Variants in CACNA1D observed in about 807,000 individuals in gnomAD.
The protein encoded by CACNA1D is voltage-dependent L-type calcium channel subunit alpha-1D.
Under a neutral mutation model 257.1 loss-of-function variants are expected in CACNA1D, and 55 were observed. That is an observed-to-expected ratio of 0.21 (90% CI 0.17 to 0.27). The LOEUF (loss-of-function observed/expected upper bound fraction) is 0.27. CACNA1D is among the 10% of genes least tolerant of loss of function. The pLI is 1.00. For missense variants in CACNA1D, 1,876 were observed against 2,784.0 expected (o/e 0.67, Z 7.34); for synonymous variants, 980 against 1,014.9 (o/e 0.97, Z 0.65).
intron 3 of CACNA1D, among the ~76,000 whole-genome samples, chr3:53,636,492 G>A (rs2108161776): frequency 6.6e-6 from 1 of 152,202 alleles, no homozygotes; most frequent in South Asian, 2.1e-4. Flanking sequence ...TTTTAGTAGA[G>A]AAGGGGTTTC....
chr3:53,740,436 C>T (rs1043223243), intron 21 of CACNA1D, 97 bp downstream of exon 21: 1 of 841,832 alleles, frequency 1.2e-6, no homozygotes, highest in Non-Finnish European at 2.1e-6. Flanking sequence ...GTTACGCAGA[C>T]TATGTCTTCA....
chr3:53,643,687 C>T (rs1281931459), intron 3 of CACNA1D, among the ~76,000 whole-genome samples: 1 of 152,204 alleles, frequency 6.6e-6, no homozygotes, highest in Non-Finnish European at 1.5e-5. Flanking sequence ...TCATTTCACA[C>T]ATGAGAAACG....
chr3:53,534,817 A>G (rs552205310), intron 3 of CACNA1D, among the ~76,000 whole-genome samples: 1 of 152,338 alleles, frequency 6.6e-6, no homozygotes, highest in African/African-American at 2.4e-5. Flanking sequence ...ACATATTAGT[A>G]AGAGACTTGG....
intron 39 of CACNA1D, 91 bp from the exon 40 acceptor site, chr3:53,786,731 G>GACCCCCCCCCC: frequency 2.9e-6 from 1 of 345,082 alleles, no homozygotes; most frequent in Non-Finnish European, 5.3e-6. Flanking sequence ...GCCCCACTCT[G>GACCCCCCCCCC]CCCCTGCCCC....
intron 3 of CACNA1D, among the ~76,000 whole-genome samples, chr3:53,581,029 AGGGGCTGG>A (rs1024947298): frequency 6.6e-6 from 1 of 152,232 alleles, no homozygotes; most frequent in African/African-American, 2.4e-5. Context: ...GACCTTGTTA[AGGGGCTGG>A]GTATCCTGTC....
chr3:53,768,202 C>A (rs1164659863), intron 30 of CACNA1D, among the ~76,000 whole-genome samples: 1 of 152,228 alleles, frequency 6.6e-6, no homozygotes, highest in Non-Finnish European at 1.5e-5. Flanking sequence ...TTAGGCCAGA[C>A]TGTGGCCAGG....
intron 8 of CACNA1D, among the ~76,000 whole-genome samples, chr3:53,675,442 C>G (rs1221996500): frequency 6.6e-6 from 1 of 152,194 alleles, no homozygotes; most frequent in Non-Finnish European, 1.5e-5. Flanking sequence ...CGCCTCATGT[C>G]TCCTAAACCC....
rs375895457 is a variant in CACNA1D, at chr3:53,810,187, C to T, written c.6081C>T (p.Asp2027=). The part of the protein sequence containing the change: ...PSLHRSSWYT[D]EPDISYRTFT... ...TGCACCGCAGCTCCTGGTACACAGA[C>T]GAGCCCGACATCTCCTACCGGACTT... is the stretch of plus-strand genomic sequence containing the variant. Residue 2027 remains aspartate (D), a synonymous_variant, in exon 47 of 48, where the codon GAC becomes GAT. Transcript: ENST00000350061. 21 of 1,613,860 alleles carry T rather than the reference C, an allele frequency of 1.3e-5. No individual in the cohort carries two copies. Among genetic ancestry groups the T allele is most frequent in the East Asian group, 4.5e-5 (2 of 44,892 alleles).
At chr3:53,746,532 A>G (rs2095170847) in intron 25 of CACNA1D, among the ~76,000 whole-genome samples, 1 of 152,140 alleles carries the variant, frequency 6.6e-6, no homozygotes, top group African/African-American at 2.4e-5. Flanking sequence ...CCCGCGAGAG[A>G]CATAACTGAC....
At chr3:53,596,296 G>T (rs1359927654) in intron 3 of CACNA1D, among the ~76,000 whole-genome samples, 1 of 152,020 alleles carries the variant, frequency 6.6e-6, no homozygotes, top group Non-Finnish European at 1.5e-5. Flanking sequence ...TACTCTGCAT[G>T]TGTGTGCATG....
At chr3:53,541,845 G>T (rs553185111) in intron 3 of CACNA1D, among the ~76,000 whole-genome samples, 1 of 151,974 alleles carries the variant, frequency 6.6e-6, no homozygotes, top group Non-Finnish European at 1.5e-5. Context: ...ACCATAAGTG[G>T]GTATTACTCC....
At chr3:53,589,068 C>T (rs1047357928) in intron 3 of CACNA1D, among the ~76,000 whole-genome samples, 3 of 152,132 alleles carry the variant, frequency 2.0e-5, no homozygotes, top group Admixed American at 6.5e-5. Context: ...TGTAGTTTTC[C>T]CTTATACAGA....
chr3:53,671,466 T>C (rs1018154457), intron 7 of CACNA1D, among the ~76,000 whole-genome samples: 16 of 152,208 alleles, frequency 1.1e-4, no homozygotes, highest in African/African-American at 3.9e-4. Context: ...GCCAGTTCCT[T>C]CTTCATATAT....
chr3:53,639,386 C>A (rs2093922712), intron 3 of CACNA1D, among the ~76,000 whole-genome samples: 1 of 151,722 alleles, frequency 6.6e-6, no homozygotes, highest in South Asian at 2.1e-4. Flanking sequence ...TTCTCTCTCT[C>A]TCTCTTTTTT....
chr3:53,588,235 G>T (rs1252679718), intron 3 of CACNA1D, among the ~76,000 whole-genome samples: 1 of 152,112 alleles, frequency 6.6e-6, no homozygotes, highest in African/African-American at 2.4e-5. Flanking sequence ...GGATTTCAAG[G>T]GACCCGCTCT....
At chr3:53,749,609 C>G in intron 27 of CACNA1D, 140 bp downstream of exon 27, 2 of 691,772 alleles carry the variant, frequency 2.9e-6, no homozygotes, top group East Asian at 2.7e-5. Flanking sequence ...TCTAAGCACA[C>G]CCTCAGCCCA....
intron 3 of CACNA1D, among the ~76,000 whole-genome samples, chr3:53,521,297 T>C (rs755797743): frequency 6.6e-6 from 1 of 152,174 alleles, no homozygotes; most frequent in South Asian, 2.1e-4. Context: ...CTGCCTCAGC[T>C]TCCTAAAGCA....
Position 53,812,055 on chromosome 3 carries a change from C to T in CACNA1D, c.*649C>T, listed in dbSNP as rs765732961. ...CATAAGAGAATATCACTCCGATGGT[C>T]GGTTTCTGACTGTCACGCTAAGGGC... On this transcript the variant is annotated 3_prime_UTR_variant, in exon 48 of 48. Coordinates refer to ENST00000350061, the MANE Select transcript of CACNA1D (RefSeq NM_001128840.3). 5 of 152,310 alleles carry T rather than the reference C, an allele frequency of 3.3e-5. No homozygotes were observed. The East Asian group carries it at 5.8e-4, about 18-fold the overall frequency. 9.4% of individuals were successfully genotyped at this position (152,310 alleles called of 1,614,324 possible).
At chr3:53,674,164 G>A (rs149460587) in intron 8 of CACNA1D, 205 of 413,144 alleles carry the variant, frequency 5.0e-4, no homozygotes, top group African/African-American at 3.3e-3. Context: ...GTGTCTATTA[G>A]TACATAACTC....
Sources: gnomAD v4.1 joint callset for allele counts (sites outside exome capture counted in the v4.1 genomes callset) on GRCh38, gnomAD v4.1.1 for gene constraint, MANE v1.5 for transcripts, NCBI Gene and HGNC (gene_info 2026-07-23, HGNC 2026-07-21) for gene names.